AKAP6: variants seen among roughly 807,000 people sequenced by gnomAD.
AKAP6 encodes A-kinase anchor protein 6.
AKAP6 carries 58 observed loss-of-function variants against 188.5 expected under a neutral mutation model. The observed-to-expected ratio is 0.31, with a 90% CI of 0.25 to 0.38. The LOEUF (loss-of-function observed/expected upper bound fraction) is 0.38, where lower values mean the gene tolerates loss of function less well. AKAP6 is among the 10% of genes least tolerant of loss of function. The pLI is 1.00. For missense variants in AKAP6, 2,710 were observed against 2,740.0 expected (o/e 0.99, Z 0.24); for synonymous variants, 989 against 998.6 (o/e 0.99, Z 0.18).
intron 2 of AKAP6, among the ~76,000 whole-genome samples, chr14:32,442,956 T>C (rs996984931): frequency 7.9e-5 from 12 of 152,182 alleles, no homozygotes; most frequent in African/African-American, 2.9e-4. Context: ...ATGACTAGTA[T>C]CCTAACATGG....
intron 2 of AKAP6, among the ~76,000 whole-genome samples, chr14:32,435,181 C>G (rs1042766313): frequency 6.6e-6 from 1 of 152,122 alleles, no homozygotes; most frequent in East Asian, 1.9e-4. Flanking sequence ...CCTTCTCTGT[C>G]CCCTCCAAGG....
At chr14:32,449,763 A>G (rs934398896) in intron 2 of AKAP6, among the ~76,000 whole-genome samples, 1 of 152,168 alleles carries the variant, frequency 6.6e-6, no homozygotes, top group Non-Finnish European at 1.5e-5. Context: ...AGTGGAAGGT[A>G]TTCTTGAAAC....
intron 7 of AKAP6, among the ~76,000 whole-genome samples, chr14:32,663,328 A>G (rs1343064938): frequency 6.6e-6 from 1 of 152,084 alleles, no homozygotes; most frequent in Non-Finnish European, 1.5e-5. Flanking sequence ...AATAAGCCAT[A>G]TCAGACCCCC....
chr14:32,642,807 A>C (rs1277356727), intron 7 of AKAP6, among the ~76,000 whole-genome samples: 1 of 152,158 alleles, frequency 6.6e-6, no homozygotes, highest in Non-Finnish European at 1.5e-5. Flanking sequence ...GTGATTCCCT[A>C]TTAACATTAC....
At chr14:32,670,624 G>A (rs1471152810) in intron 7 of AKAP6, among the ~76,000 whole-genome samples, 3 of 152,156 alleles carry the variant, frequency 2.0e-5, no homozygotes, top group Admixed American at 6.5e-5. Flanking sequence ...AAGGATCCCT[G>A]TGATCTTGAG....
At chr14:32,619,448 T>C (rs1886723869) in intron 7 of AKAP6, among the ~76,000 whole-genome samples, 1 of 152,188 alleles carries the variant, frequency 6.6e-6, no homozygotes, top group Non-Finnish European at 1.5e-5. Context: ...CCAATTTATG[T>C]TTTTGAATGC....
At chr14:32,785,180 C>T (rs930685717) in intron 12 of AKAP6, among the ~76,000 whole-genome samples, 2 of 151,900 alleles carry the variant, frequency 1.3e-5, no homozygotes, top group Non-Finnish European at 2.9e-5. Context: ...GCATGTCCTT[C>T]CAATGAAAAT....
chr14:32,454,256 A>C (rs140740479), intron 2 of AKAP6, among the ~76,000 whole-genome samples: 1 of 152,350 alleles, frequency 6.6e-6, no homozygotes, highest in African/African-American at 2.4e-5. Context: ...GAAGCTAGCA[A>C]TAAATAACTA....
chr14:32,593,011 A>AGCACACACACAC (rs1555343002), intron 5 of AKAP6, among the ~76,000 whole-genome samples: 1 of 123,800 alleles, frequency 8.1e-6, no homozygotes, highest in Non-Finnish European at 1.7e-5. Context: ...CCCCCACCCC[A>AGCACACACACAC]ACACACACAC....
At chr14:32,614,646 C>A (rs1310644089) in intron 7 of AKAP6, among the ~76,000 whole-genome samples, 1 of 152,116 alleles carries the variant, frequency 6.6e-6, no homozygotes, top group African/African-American at 2.4e-5. Context: ...TAACCAATAG[C>A]CATTTTCCTC....
chr14:32,561,664 A>C (rs1219561681), intron 4 of AKAP6, among the ~76,000 whole-genome samples: 1 of 152,198 alleles, frequency 6.6e-6, no homozygotes, highest in Non-Finnish European at 1.5e-5. Context: ...CATTCCTAGC[A>C]CTGTAATATG....
intron 1 of AKAP6, among the ~76,000 whole-genome samples, chr14:32,345,409 C>T (rs993152009): frequency 6.6e-6 from 1 of 152,138 alleles, no homozygotes; most frequent in African/African-American, 2.4e-5. Context: ...CATGACTTAG[C>T]AATGAGGGGT....
In AKAP6 at chr14:32,594,491, C is replaced by T. The variant is rs116109297; in HGVS notation, c.2470-4919C>T. Among the ~76,000 whole-genome samples the T allele has an allele frequency of 7.5e-3, 1,134 of 152,136 alleles. 14 individuals carry two copies. The highest frequency in any genetic ancestry group is 0.02 in the African/African-American group (819 of 41,508). ...TAAATGCTTACTCATAGAAATCTTCCGATTCTTGGTATATATGGCATTTTA... is the reference window on the plus strand; with the variant it reads ...TAAATGCTTACTCATAGAAATCTTCTGATTCTTGGTATATATGGCATTTTA... On this transcript the variant is annotated intron_variant, in intron 5 of 13. Transcript: ENST00000280979.
intron 1 of AKAP6, among the ~76,000 whole-genome samples, chr14:32,398,777 CT>C (rs1209138072): frequency 2.1e-5 from 1 of 46,806 alleles, no homozygotes; most frequent in Non-Finnish European, 4.6e-5. Flanking sequence ...TCTTTCTTTT[CT>C]TTTCTCTCTC....
At chr14:32,746,426 G>T (rs977488886) in intron 11 of AKAP6, among the ~76,000 whole-genome samples, 2 of 152,120 alleles carry the variant, frequency 1.3e-5, no homozygotes, top group Non-Finnish European at 2.9e-5. Flanking sequence ...CAAGGTAGTG[G>T]GTTTCCTTCT....
chr14:32,509,930 C>T (rs770116539), intron 2 of AKAP6, among the ~76,000 whole-genome samples: 7 of 152,136 alleles, frequency 4.6e-5, no homozygotes, highest in African/African-American at 9.7e-5. Context: ...CTGCCTCTCC[C>T]GGAAATCTCT....
At chr14:32,801,335 G>T (rs1206585894) in intron 12 of AKAP6, among the ~76,000 whole-genome samples, 1 of 151,834 alleles carries the variant, frequency 6.6e-6, no homozygotes, top group Non-Finnish European at 1.5e-5. Flanking sequence ...CCTAGAGCTT[G>T]CCATAAACAT....
In AKAP6 at chr14:32,483,007, A is replaced by ATGTGTGTGTGTGTG. The variant is rs796833606; in HGVS notation, c.324+49191_324+49192insGTGTGTGTGTGTGT. On this transcript the variant is annotated intron_variant, in intron 2 of 13. Transcript: ENST00000280979. Reference sequence around the variant, plus strand: ...TGTGTGTGTATATATATATATATATATATATGTATCTTGCATTGGTAATTT... The same window carrying ATGTGTGTGTGTGTG: ...TGTGTGTGTATATATATATATATATATGTGTGTGTGTGTGTATATGTATCTTGCATTGGTAATTT... Among the ~76,000 whole-genome samples, 306 of 147,702 alleles carry ATGTGTGTGTGTGTG rather than the reference A, an allele frequency of 2.1e-3. 5 individuals are homozygous for ATGTGTGTGTGTGTG. The South Asian group carries it at 0.03, about 14-fold the overall frequency.
intron 2 of AKAP6, among the ~76,000 whole-genome samples, chr14:32,529,430 C>A (rs2139092557): frequency 6.6e-6 from 1 of 152,258 alleles, no homozygotes; most frequent in East Asian, 1.9e-4. Flanking sequence ...AAGACAGTTT[C>A]ATTTCTTCCT....
Sources: allele counts gnomAD v4.1 joint callset (sites outside exome capture counted in the v4.1 genomes callset), GRCh38; gene constraint gnomAD v4.1.1; transcripts MANE v1.5; gene names NCBI Gene and HGNC (gene_info 2026-07-23, HGNC 2026-07-21).